WARS2: variants seen among roughly 807,000 people sequenced by gnomAD.
WARS2 encodes the protein tryptophan--tRNA ligase, mitochondrial.
Under a neutral mutation model 36.5 loss-of-function variants are expected in WARS2, and 28 were observed. The ratio of observed to expected loss-of-function variants is 0.77; its 90% CI spans 0.57 to 1.05. The LOEUF (loss-of-function observed/expected upper bound fraction) is 1.05, where lower values mean the gene tolerates loss of function less well. Ranked by LOEUF, WARS2 falls within the 50% of genes least tolerant of loss-of-function variation. The pLI, the probability that WARS2 is intolerant of heterozygous loss-of-function variation, is 0.00. For synonymous variants in WARS2, 174 were observed against 178.4 expected, an observed-to-expected ratio of 0.98 and a Z score of 0.20; for missense variants, 435 against 456.8, an observed-to-expected ratio of 0.95 and a Z score of 0.44.
intron 2 of WARS2, among the ~76,000 whole-genome samples, chr1:119,048,479 G>C (rs1649040393): frequency 6.6e-6 from 1 of 152,196 alleles, no homozygotes; most frequent in Non-Finnish European, 1.5e-5. Context: ...TTCACATACA[G>C]TTGTAAGAAA....
At chr1:119,074,336 A>G (rs908984672) in intron 2 of WARS2, among the ~76,000 whole-genome samples, 1 of 152,224 alleles carries the variant, frequency 6.6e-6, no homozygotes, top group Non-Finnish European at 1.5e-5. Flanking sequence ...TAAGATACAA[A>G]TGGTACATAA....
Position 119,031,491 on chromosome 1 carries a change from AC to A in WARS2, c.*1419del, listed in dbSNP as rs1647423304. 6.6e-6 allele frequency: 1 copy of A among 152,160 alleles called. No individual in the cohort carries two copies. The allele number at this position is 152,160 out of a possible 1,614,324, so 9.4% of individuals were successfully genotyped here. A position where few individuals can be genotyped will look rare whatever the true frequency, so the allele number is the denominator to read the frequency against. ...TAACATGTGTTCTGACACAAGGACT[AC>A]TCTACTTCCTTAAGAAACATGAGCA... On this transcript the variant is annotated 3_prime_UTR_variant, in exon 6 of 6. Coordinates refer to ENST00000235521, the MANE Select transcript of WARS2 (RefSeq NM_015836.4).
At chr1:119,130,683 C>T (rs1656041245) in intron 1 of WARS2, among the ~76,000 whole-genome samples, 1 of 152,152 alleles carries the variant, frequency 6.6e-6, no homozygotes, top group South Asian at 2.1e-4. Context: ...CAATGCTATG[C>T]ACTGTCTCAT....
chr1:119,072,503 G>C (rs1394311146), intron 2 of WARS2, among the ~76,000 whole-genome samples: 1 of 151,986 alleles, frequency 6.6e-6, no homozygotes, highest in Non-Finnish European at 1.5e-5. Flanking sequence ...AAAAAAAGTA[G>C]AAGCATAAAA....
At chr1:119,140,259 T>G (rs990076159) in intron 1 of WARS2, 11 of 316,982 alleles carry the variant, frequency 3.5e-5, no homozygotes, top group South Asian at 2.9e-4. Context: ...ACACGCGGGG[T>G]AGGCTCACCG....
chr1:119,079,901 T>C (rs1215710823), intron 1 of WARS2, among the ~76,000 whole-genome samples: 1 of 152,152 alleles, frequency 6.6e-6, no homozygotes, highest in Admixed American at 6.6e-5. Context: ...CATAAAAGGC[T>C]TTCAAGTGAT....
intron 2 of WARS2, among the ~76,000 whole-genome samples, chr1:119,051,535 A>G (rs1469082421): frequency 1.3e-5 from 2 of 152,092 alleles, no homozygotes; most frequent in South Asian, 2.1e-4. Context: ...AACGATTTAC[A>G]TTCCTTTGGG....
chr1:119,041,212 G>A (rs1648327360), intron 4 of WARS2, among the ~76,000 whole-genome samples: 1 of 152,178 alleles, frequency 6.6e-6, no homozygotes, highest in Non-Finnish European at 1.5e-5. Context: ...TAGGGGAAAG[G>A]GATGCAAAAA....
intron 1 of WARS2, among the ~76,000 whole-genome samples, chr1:119,104,216 A>G (rs1654080257): frequency 6.6e-6 from 1 of 151,534 alleles, no homozygotes; most frequent in East Asian, 1.9e-4. Context: ...AGGTCAATAT[A>G]TAGAGATGTA....
chr1:119,037,870 T>G (rs967863992), intron 4 of WARS2, among the ~76,000 whole-genome samples: 2 of 152,244 alleles, frequency 1.3e-5, no homozygotes, highest in Admixed American at 6.5e-5. Context: ...TTTCTGCATC[T>G]TCACTGTCAT....
At chr1:119,070,980 C>T (rs1305084524) in intron 2 of WARS2, among the ~76,000 whole-genome samples, 2 of 151,758 alleles carry the variant, frequency 1.3e-5, no homozygotes, top group Non-Finnish European at 1.5e-5. Context: ...GTCAGGAGTT[C>T]GAGACCAGCC....
chr1:119,047,822 A>G (rs1648985201), intron 2 of WARS2, among the ~76,000 whole-genome samples: 2 of 152,276 alleles, frequency 1.3e-5, no homozygotes, highest in Admixed American at 1.3e-4. Context: ...AAACAAAGGC[A>G]TGGACAATAA....
chr1:119,111,502 A>G (rs183182694), intron 1 of WARS2, among the ~76,000 whole-genome samples: 61 of 152,292 alleles, frequency 4.0e-4, no homozygotes, highest in African/African-American at 1.4e-3. Context: ...CTGGTAAAAT[A>G]GTTTCCTCTG....
intron 1 of WARS2, among the ~76,000 whole-genome samples, chr1:119,110,169 T>C (rs1391117875): frequency 6.6e-6 from 1 of 152,026 alleles, no homozygotes. Context: ...ATTAGCTAAA[T>C]TAGGAATAAG....
rs116518931 is a variant in WARS2, at chr1:119,129,187, C to T, written c.90+11368G>A. The stretch of plus-strand genomic sequence containing the variant: ...CCCAATGTAATGGCATTAGGAGGTG[C>T]GGCTTTTGGGAGGTGATCAGTGCCC... On this transcript the variant is annotated intron_variant, in intron 1 of 5. Transcript: ENST00000235521. Among the ~76,000 whole-genome samples, 494 of 152,226 alleles carry T rather than the reference C, an allele frequency of 3.2e-3. 2 individuals are homozygous for T. The highest frequency in any genetic ancestry group is 0.011 in the African/African-American group (457 of 41,540).
At chr1:119,051,951 G>A (rs1275582697) in intron 2 of WARS2, among the ~76,000 whole-genome samples, 1 of 151,556 alleles carries the variant, frequency 6.6e-6, no homozygotes, top group African/African-American at 2.4e-5. Context: ...GTAGAGACGG[G>A]GTTTCACCAT....
At chr1:119,093,110 A>T (rs12095067) in intron 1 of WARS2, among the ~76,000 whole-genome samples, 60,970 of 151,666 alleles carry the variant, frequency 0.4, 12,996 homozygotes, top group African/African-American at 0.54. Flanking sequence ...TATGTAGATT[A>T]CTTAGACATA....
intron 3 of WARS2, among the ~76,000 whole-genome samples, chr1:119,042,790 G>A (rs1443014159): frequency 3.9e-5 from 6 of 152,044 alleles, no homozygotes; most frequent in Admixed American, 2.0e-4. Flanking sequence ...GCATGCCACT[G>A]AGAAAACTGG....
chr1:119,058,766 C>T (rs1326113855), intron 2 of WARS2, among the ~76,000 whole-genome samples: 4 of 129,028 alleles, frequency 3.1e-5, no homozygotes, highest in African/African-American at 1.1e-4. Flanking sequence ...CCGCAATAAA[C>T]ATACGTGTAC....
Sources: gnomAD v4.1 joint callset for allele counts (sites outside exome capture counted in the v4.1 genomes callset) on GRCh38, gnomAD v4.1.1 for gene constraint, MANE v1.5 for transcripts, NCBI Gene and HGNC (gene_info 2026-07-23, HGNC 2026-07-21) for gene names.